Variants in SLIT3 observed in about 807,000 individuals in gnomAD.
The protein encoded by SLIT3 is slit guidance ligand 3, also known as slit homolog 3 protein.
In SLIT3, 68 loss-of-function variants were observed where a neutral mutation model predicts 184.0. The ratio of observed to expected loss-of-function variants is 0.37; its 90% CI spans 0.30 to 0.45. The LOEUF is 0.45. Among genes scored for constraint, SLIT3 ranks in the 20% least tolerant of loss-of-function variants. SLIT3 has a pLI of 1.00. For synonymous variants in SLIT3, 831 were observed against 828.6 expected, an observed-to-expected ratio of 1.00 and a Z score of -0.05; for missense variants, 1,707 against 2,026.0, an observed-to-expected ratio of 0.84 and a Z score of 3.02.
chr5:168,954,327 G>T (rs1762752732), intron 4 of SLIT3, among the ~76,000 whole-genome samples: 1 of 151,980 alleles, frequency 6.6e-6, no homozygotes, highest in African/African-American at 2.4e-5. Flanking sequence ...TCTCCAAAAT[G>T]GTTAGCTATT....
intron 3 of SLIT3, among the ~76,000 whole-genome samples, chr5:169,203,481 C>A (rs1763968910): frequency 6.6e-6 from 1 of 152,050 alleles, no homozygotes; most frequent in Admixed American, 6.6e-5. Context: ...TGGCAATCAC[C>A]AAAGCTGCAT....
At chr5:169,050,773 A>G (rs564785875) in intron 4 of SLIT3, among the ~76,000 whole-genome samples, 2 of 151,132 alleles carry the variant, frequency 1.3e-5, no homozygotes, top group East Asian at 3.9e-4. Flanking sequence ...TCTGAAGAGG[A>G]AGAATACACA....
intron 27 of SLIT3, among the ~76,000 whole-genome samples, chr5:168,699,990 A>T (rs1010598328): frequency 6.6e-6 from 1 of 152,206 alleles, no homozygotes; most frequent in African/African-American, 2.4e-5. Context: ...TCCCTGTGCC[A>T]ATGCTTAATG....
chr5:169,290,246 G>A (rs927281916), intron 1 of SLIT3, among the ~76,000 whole-genome samples: 1 of 151,584 alleles, frequency 6.6e-6, no homozygotes, highest in Non-Finnish European at 1.5e-5. Context: ...CACATGCTAG[G>A]GCACATGCTG....
chr5:168,862,083 G>A (rs1032572791), intron 5 of SLIT3, among the ~76,000 whole-genome samples: 3 of 152,148 alleles, frequency 2.0e-5, no homozygotes, highest in Non-Finnish European at 4.4e-5. Flanking sequence ...TGGCTTTGTG[G>A]TCTATTTATT....
intron 4 of SLIT3, among the ~76,000 whole-genome samples, chr5:168,914,012 C>A (rs1761352913): frequency 6.6e-6 from 1 of 152,192 alleles, no homozygotes; most frequent in Non-Finnish European, 1.5e-5. Context: ...ACATGTAACT[C>A]TACCTAACTC....
In SLIT3 at chr5:168,692,716, G is replaced by A. The variant is rs758405552; in HGVS notation, c.3083-16C>T. Reference sequence around the variant, plus strand: ...CATAGCTCACCTGGCACAGATGGGGGAGATAGCTCAGGCCTCAGGCAGGGT... The same window carrying A: ...CATAGCTCACCTGGCACAGATGGGGAAGATAGCTCAGGCCTCAGGCAGGGT... On this transcript the variant is annotated splice_polypyrimidine_tract_variant and intron_variant, in intron 28 of 35. Transcript: ENST00000519560. 8 of 1,601,640 alleles carry A rather than the reference G, an allele frequency of 5.0e-6. No homozygotes were observed. The South Asian group carries it at 6.6e-5, about 13-fold the overall frequency.
At chr5:169,042,829 T>C (rs1465828461) in intron 4 of SLIT3, among the ~76,000 whole-genome samples, 1 of 152,208 alleles carries the variant, frequency 6.6e-6, no homozygotes. Flanking sequence ...AGAAATCCTG[T>C]TATTCAAAAA....
chr5:168,700,046 A>G (rs1762169473), intron 27 of SLIT3, among the ~76,000 whole-genome samples: 1 of 152,146 alleles, frequency 6.6e-6, no homozygotes, highest in Non-Finnish European at 1.5e-5. Flanking sequence ...GAACTTCCTT[A>G]TCTGCACAGT....
intron 20 of SLIT3, among the ~76,000 whole-genome samples, chr5:168,731,306 C>T (rs554697356): frequency 1.3e-5 from 2 of 151,756 alleles, no homozygotes; most frequent in African/African-American, 4.8e-5. Flanking sequence ...AATATCCCCC[C>T]CTAAACTGCC....
intron 4 of SLIT3, among the ~76,000 whole-genome samples, chr5:169,182,186 A>G (rs1763183500): frequency 6.6e-6 from 1 of 152,214 alleles, no homozygotes; most frequent in African/African-American, 2.4e-5. Context: ...TTAGAAAAGG[A>G]ACGATGGGAA....
intron 3 of SLIT3, among the ~76,000 whole-genome samples, chr5:169,221,653 G>T (rs915683811): frequency 6.6e-6 from 1 of 152,192 alleles, no homozygotes; most frequent in Non-Finnish European, 1.5e-5. Context: ...GGTGATGTGT[G>T]GTGTGTGACT....
At chr5:169,028,532 T>C (rs542556652) in intron 4 of SLIT3, among the ~76,000 whole-genome samples, 8 of 152,392 alleles carry the variant, frequency 5.2e-5, no homozygotes, top group African/African-American at 1.9e-4. Flanking sequence ...CCTTGTACAG[T>C]GCCTGGCACA....
At chr5:169,287,377 ATT>A (rs567211956) in intron 1 of SLIT3, among the ~76,000 whole-genome samples, 2 of 150,122 alleles carry the variant, frequency 1.3e-5, no homozygotes, top group Non-Finnish European at 3.0e-5. Context: ...ATGATTCCCT[ATT>A]TTTTTTTGTA....
intron 4 of SLIT3, among the ~76,000 whole-genome samples, chr5:169,185,418 G>A (rs1292399204): frequency 2.0e-5 from 3 of 152,174 alleles, no homozygotes; most frequent in African/African-American, 4.8e-5. Flanking sequence ...GCAGGTCTCC[G>A]CATCCAGCTT....
chr5:168,863,593 T>C (rs1759191130), intron 5 of SLIT3, among the ~76,000 whole-genome samples: 1 of 152,184 alleles, frequency 6.6e-6, no homozygotes. Flanking sequence ...GGGTCAACCG[T>C]GGCAGAGACA....
At chr5:169,044,492 A>G (rs1757556769) in intron 4 of SLIT3, among the ~76,000 whole-genome samples, 1 of 151,760 alleles carries the variant, frequency 6.6e-6, no homozygotes, top group African/African-American at 2.4e-5. Flanking sequence ...ATAAAAGGCC[A>G]CATACTGCAG....
chr5:168,814,881 C>G (rs1757281601), intron 8 of SLIT3, among the ~76,000 whole-genome samples: 1 of 152,108 alleles, frequency 6.6e-6, no homozygotes, highest in Non-Finnish European at 1.5e-5. Context: ...GCACCAGGGC[C>G]CCCAGATCTT....
At chr5:168,948,654 G>A (rs1480236510) in intron 4 of SLIT3, among the ~76,000 whole-genome samples, 1 of 152,138 alleles carries the variant, frequency 6.6e-6, no homozygotes, top group Admixed American at 6.5e-5. Context: ...ATTAGCAGTT[G>A]TTTGTCTCAG....
Sources: allele counts gnomAD v4.1 joint callset (sites outside exome capture counted in the v4.1 genomes callset), GRCh38; gene constraint gnomAD v4.1.1; transcripts MANE v1.5; gene names NCBI Gene and HGNC (gene_info 2026-07-23, HGNC 2026-07-21).